The following NKD2 variants were observed in gnomAD, a reference collection of about 807,000 sequenced individuals.
NKD2 encodes protein naked cuticle homolog 2.
In NKD2, 43 loss-of-function variants were observed where a neutral mutation model predicts 34.8. That is an observed-to-expected ratio of 1.24 (90% CI 0.97 to 1.60). The LOEUF (loss-of-function observed/expected upper bound fraction) is 1.60. NKD2 is among the 40% of genes most tolerant of loss of function. The probability of loss-of-function intolerance (pLI) is 0.00; values close to 1 mark genes in which losing one functional copy is unlikely to be tolerated. For synonymous variants in NKD2, 278 were observed against 265.1 expected, an observed-to-expected ratio of 1.05 and a Z score of -0.47; for missense variants, 675 against 627.1, an observed-to-expected ratio of 1.08 and a Z score of -0.82.
intron 3 of NKD2, among the ~76,000 whole-genome samples, chr5:1,030,154 G>C (rs1430988798): frequency 1.3e-5 from 2 of 152,178 alleles, no homozygotes; most frequent in East Asian, 1.9e-4. Context: ...TCAGCATTTA[G>C]GGTCACCTTC....
Position 1,034,230 on chromosome 5 carries a change from C to G in NKD2, c.331-5C>G, listed in dbSNP as rs374856046. ...CGAGGTCCCGGCCCCCACGTCCCCC[C>G]ACAGGCACTCCAGTGCGATGTCTCG... On this transcript the variant is annotated splice_polypyrimidine_tract_variant and splice_region_variant and intron_variant, in intron 5 of 9. Transcript: ENST00000296849. 13 of 1,609,616 alleles carry G rather than the reference C, an allele frequency of 8.1e-6. No homozygotes were observed. Among genetic ancestry groups the G allele is most frequent in the African/African-American group, 2.7e-5 (2 of 74,844 alleles).
chr5:1,037,411 A>G (rs1734039913), intron 9 of NKD2: 2 of 984,470 alleles, frequency 2.0e-6, no homozygotes, highest in Admixed American at 2.2e-5. Flanking sequence ...TGAAGGTGGC[A>G]GTCCTGAGTC....
intron 3 of NKD2, among the ~76,000 whole-genome samples, chr5:1,015,701 C>T (rs1372783297): frequency 6.6e-6 from 1 of 152,222 alleles, no homozygotes; most frequent in Non-Finnish European, 1.5e-5. Context: ...ATGCTGCCGC[C>T]AGCATTTCAG....
At chr5:1,011,068 ATTTTCT>A (rs1755733510) in intron 3 of NKD2, among the ~76,000 whole-genome samples, 1 of 152,176 alleles carries the variant, frequency 6.6e-6, no homozygotes, top group African/African-American at 2.4e-5. Context: ...ACACTGGGAC[ATTTTCT>A]TTAGAGAATA....
intron 3 of NKD2, among the ~76,000 whole-genome samples, chr5:1,021,437 C>T (rs889303394): frequency 2.0e-5 from 3 of 146,630 alleles, no homozygotes; most frequent in African/African-American, 5.1e-5. Flanking sequence ...AGCCCCTCCC[C>T]ACAGGGCCTC....
At chr5:1,032,008 G>T (rs1005649841) in intron 3 of NKD2, 144 bp from the exon 4 acceptor site, 4 of 677,956 alleles carry the variant, frequency 5.9e-6, no homozygotes, top group Non-Finnish European at 1.1e-5. Flanking sequence ...ACGAAGGGTT[G>T]GTGTTTCTGG....
chr5:1,022,924 C>T lies in NKD2; in HGVS notation c.142-9228C>T, dbSNP rs867776871. Among the ~76,000 whole-genome samples, 52 of 10,558 alleles carry T rather than the reference C, an allele frequency of 4.9e-3. 4 individuals are homozygous for T. Among genetic ancestry groups the T allele is most frequent in the African/African-American group, 5.2e-3 (52 of 9,928 alleles). The allele number at this position is 10,558 out of a possible 152,430, so 6.9% of individuals were successfully genotyped here. ...GCTCTTCCCACCCTCTGTGGGTGTC[C>T]CAGCCCGTTGTCCCTGCTCTTCCCA... On this transcript the variant is annotated intron_variant, in intron 3 of 9. Coordinates refer to ENST00000296849, the MANE Select transcript of NKD2 (RefSeq NM_033120.4).
intron 7 of NKD2, 103 bp downstream of exon 7, chr5:1,035,006 G>C: frequency 4.4e-6 from 5 of 1,127,502 alleles, no homozygotes; most frequent in Non-Finnish European, 6.3e-6. Context: ...ATGGAGGAGT[G>C]AGTGGGTGAA....
At chr5:1,025,124 C>G (rs1480750326) in intron 3 of NKD2, among the ~76,000 whole-genome samples, 257 of 13,422 alleles carry the variant, frequency 0.019, no homozygotes, top group African/African-American at 0.022. Flanking sequence ...CTCTTCCCAC[C>G]CGCTGTGGGC....
rs1022899288 is a variant in NKD2 at position 1,009,979 on chromosome 5, C to T, written c.141+419C>T. The stretch of plus-strand genomic sequence containing the variant: ...GGTGGGAGCTACAGACCTGGGGCAT[C>T]ACTGGTCATAGCCTCAGTGCTCAAT... On this transcript the variant is annotated intron_variant, in intron 3 of 9. Transcript: ENST00000296849. The surrounding 1 kb of genome is among the most constrained non-coding windows in gnomAD (Gnocchi z 6.9). 3.3e-5 allele frequency among the ~76,000 whole-genome samples: 5 copies of T among 152,172 alleles called. No individual in the cohort carries two copies. Among genetic ancestry groups the T allele is most frequent in the African/African-American group, 1.2e-4 (5 of 41,434 alleles).
At chr5:1,011,351 C>G (rs1318740824) in intron 3 of NKD2, among the ~76,000 whole-genome samples, 1 of 152,238 alleles carries the variant, frequency 6.6e-6, no homozygotes, top group Non-Finnish European at 1.5e-5. Context: ...CTGTTCCTCT[C>G]ACCTGGCAGC....
chr5:1,036,799 A>ACAGGCAGTGTGGACGGCAGGG (rs564007561), intron 9 of NKD2: 8 of 460,028 alleles, frequency 1.7e-5, no homozygotes, highest in East Asian at 1.4e-4. Context: ...AGTGTGGACA[A>ACAGGCAGTGTGGACGGCAGGG]CAGGCAGTGT....
chr5:1,032,833 C>A lies in NKD2; in HGVS notation c.203-539C>A, dbSNP rs570313798. ...TGCTGAGCCCGGACAGTCCCACACT[C>A]CTATCCTGGGGACGCAGCTTGCAAG... is the stretch of plus-strand genomic sequence containing the variant. On this transcript the variant is annotated intron_variant, in intron 4 of 9. Transcript: ENST00000296849. Among the ~76,000 whole-genome samples the A allele has an allele frequency of 9.9e-5, 15 of 152,240 alleles. 1 individual carries two copies. The highest frequency in any genetic ancestry group is 3.1e-4 in the African/African-American group (13 of 41,464).
intron 3 of NKD2, among the ~76,000 whole-genome samples, chr5:1,021,214 C>T (rs532446515): frequency 1.7e-3 from 261 of 152,256 alleles, no homozygotes; most frequent in African/African-American, 6.0e-3. Flanking sequence ...CCAGAAGAAC[C>T]GATGGGCAAA....
At chr5:1,037,009 A>T (rs546548318) in intron 9 of NKD2, 2 of 332,006 alleles carry the variant, frequency 6.0e-6, no homozygotes, top group Non-Finnish European at 1.1e-5. Flanking sequence ...GGCAGTGTGG[A>T]TGGCGGGCAA....
intron 3 of NKD2, among the ~76,000 whole-genome samples, chr5:1,029,754 C>T (rs1015811929): frequency 2.0e-5 from 3 of 152,218 alleles, no homozygotes; most frequent in African/African-American, 2.4e-5. Flanking sequence ...GGAGCCACCG[C>T]ACCTCCGGCT....
chr5:1,021,774 G>C (rs1057397621), intron 3 of NKD2, among the ~76,000 whole-genome samples: 53 of 152,036 alleles, frequency 3.5e-4, no homozygotes, highest in African/African-American at 1.2e-3. Flanking sequence ...CGCAGACGCC[G>C]GTGGCAGGTT....
chr5:1,036,841 C>T (rs914868484), intron 9 of NKD2: 1 of 448,628 alleles, frequency 2.2e-6, no homozygotes, highest in Non-Finnish European at 4.4e-6. Flanking sequence ...GGACAACAGA[C>T]AGTGTCGACA....
At chr5:1,031,806 G>A (rs1481042950) in intron 3 of NKD2, among the ~76,000 whole-genome samples, 2 of 152,076 alleles carry the variant, frequency 1.3e-5, no homozygotes, top group Non-Finnish European at 2.9e-5. Flanking sequence ...CCAGAGCAAA[G>A]GGGCAGTGTG....
Sources: allele counts gnomAD v4.1 joint callset (sites outside exome capture counted in the v4.1 genomes callset), GRCh38; gene constraint gnomAD v4.1.1; non-coding constraint Gnocchi (gnomAD v3.1); transcripts MANE v1.5; gene names NCBI Gene and HGNC (gene_info 2026-07-23, HGNC 2026-07-21).